The following FAF1 variants were observed in gnomAD, a reference collection of about 807,000 sequenced individuals.
FAF1 encodes the protein FAS-associated factor 1.
Under a neutral mutation model 92.5 loss-of-function variants are expected in FAF1, and 25 were observed. That is an observed-to-expected ratio of 0.27 (90% CI 0.20 to 0.38). The LOEUF (loss-of-function observed/expected upper bound fraction) is 0.38. Ranked by LOEUF, FAF1 falls within the 10% of genes least tolerant of loss-of-function variation. The pLI, the probability that FAF1 is intolerant of heterozygous loss-of-function variation, is 1.00. For synonymous variants in FAF1, 234 were observed against 273.2 expected (o/e 0.86, Z 1.42); for missense variants, 636 against 793.3 (o/e 0.80, Z 2.38).
intron 12 of FAF1, among the ~76,000 whole-genome samples, chr1:50,577,996 T>A (rs1415755702): frequency 6.6e-6 from 1 of 152,244 alleles, no homozygotes; most frequent in African/African-American, 2.4e-5. Flanking sequence ...TTAAGATGGA[T>A]TGAATGTGGC....
At chr1:50,795,157 A>G (rs1490010182) in intron 3 of FAF1, among the ~76,000 whole-genome samples, 1 of 152,206 alleles carries the variant, frequency 6.6e-6, no homozygotes, top group Non-Finnish European at 1.5e-5. Context: ...GCATCTAGCT[A>G]GAGAAACTAT....
intron 1 of FAF1, among the ~76,000 whole-genome samples, chr1:50,888,663 C>T (rs991137182): frequency 8.5e-5 from 13 of 152,270 alleles, no homozygotes; most frequent in African/African-American, 2.9e-4. Flanking sequence ...TGCTGGATTA[C>T]GTTTACTGAT....
intron 13 of FAF1, among the ~76,000 whole-genome samples, chr1:50,543,958 A>G (rs1455197986): frequency 1.3e-5 from 2 of 152,192 alleles, no homozygotes; most frequent in Admixed American, 6.5e-5. Flanking sequence ...AAGTGGATCC[A>G]TGTGGAAAGG....
At chr1:50,863,782 C>A (rs1644455668) in intron 1 of FAF1, among the ~76,000 whole-genome samples, 1 of 151,942 alleles carries the variant, frequency 6.6e-6, no homozygotes, top group Admixed American at 6.6e-5. Flanking sequence ...GGAATGGTAC[C>A]AGTTCCTCCT....
At chr1:50,806,201 A>G (rs553356508) in intron 2 of FAF1, among the ~76,000 whole-genome samples, 2 of 150,860 alleles carry the variant, frequency 1.3e-5, no homozygotes, top group East Asian at 3.9e-4. Flanking sequence ...GGGAAAGTCA[A>G]TAAGAAAATG....
intron 1 of FAF1, among the ~76,000 whole-genome samples, chr1:50,864,685 C>T (rs1371367593): frequency 6.6e-6 from 1 of 151,436 alleles, no homozygotes; most frequent in East Asian, 1.9e-4. Flanking sequence ...ATACAAAAAT[C>T]AATTCAAGAT....
chr1:50,608,001 C>CA (rs1345970100), intron 8 of FAF1, among the ~76,000 whole-genome samples: 3 of 152,206 alleles, frequency 2.0e-5, no homozygotes, highest in African/African-American at 7.2e-5. Context: ...ATTGAAGTGG[C>CA]AGTGTACAAC....
chr1:50,530,693 C>A (rs1648106260), intron 15 of FAF1, among the ~76,000 whole-genome samples: 1 of 152,152 alleles, frequency 6.6e-6, no homozygotes, highest in Admixed American at 6.6e-5. Flanking sequence ...ATACCCCATT[C>A]TCCATGATGT....
intron 3 of FAF1, among the ~76,000 whole-genome samples, chr1:50,795,171 G>A (rs1382442063): frequency 2.6e-5 from 4 of 152,152 alleles, no homozygotes; most frequent in African/African-American, 9.7e-5. Flanking sequence ...AAACTATGGA[G>A]TGCCTAAACT....
chr1:50,663,619 G>A (rs1446658890), intron 7 of FAF1, among the ~76,000 whole-genome samples: 1 of 151,290 alleles, frequency 6.6e-6, no homozygotes, highest in Admixed American at 6.6e-5. Flanking sequence ...TGGCCAGGCT[G>A]GTCTCGAACT....
At chr1:50,558,973 G>A (rs1019318252) in intron 13 of FAF1, among the ~76,000 whole-genome samples, 10 of 152,094 alleles carry the variant, frequency 6.6e-5, no homozygotes, top group Non-Finnish European at 8.8e-5. Context: ...TATTTTGGCC[G>A]GACGAGGAGG....
At chr1:50,457,210 C>G (rs1646363699) in intron 18 of FAF1, among the ~76,000 whole-genome samples, 1 of 151,690 alleles carries the variant, frequency 6.6e-6, no homozygotes, top group Non-Finnish European at 1.5e-5. Context: ...TCAGCCAAAC[C>G]TGAAGATTCA....
intron 3 of FAF1, among the ~76,000 whole-genome samples, chr1:50,796,530 T>C (rs552005095): frequency 2.6e-5 from 4 of 152,276 alleles, no homozygotes; most frequent in African/African-American, 7.2e-5. Flanking sequence ...CTCTATCACT[T>C]TCCTTTGTGC....
chr1:50,513,041 G>A (rs939871528), intron 15 of FAF1, among the ~76,000 whole-genome samples: 56 of 152,300 alleles, frequency 3.7e-4, no homozygotes, highest in Admixed American at 9.1e-4. Context: ...AAGCCTCTAG[G>A]TTTGCTCTAC....
rs372198103 is a variant in FAF1, at chr1:50,705,822, G to A, written c.621C>T (p.Tyr207=). The change falls in exon 7 of 19, where the codon TAC becomes TAT. Residue 207 remains tyrosine, a synonymous_variant. Coordinates refer to ENST00000396153, the MANE Select transcript of FAF1 (RefSeq NM_007051.3). ...TACTGCTTCCTGAGAAGTTCAGGTT[G>A]TACTCCCGCTGGACTTCTCGGTGGG... ...IITHREVQRE[Y]NLNFSGSSTI... The A allele has an allele frequency of 4.8e-5, 77 of 1,611,368 alleles. No individual in the cohort carries two copies. In the African/African-American group the frequency reaches 6.5e-4, roughly 14 times the overall value.
At chr1:50,659,654 T>C (rs926807905) in intron 7 of FAF1, among the ~76,000 whole-genome samples, 1 of 152,188 alleles carries the variant, frequency 6.6e-6, no homozygotes, top group Non-Finnish European at 1.5e-5. Context: ...TCAATTCTTG[T>C]TTTACATGCA....
intron 4 of FAF1, among the ~76,000 whole-genome samples, chr1:50,747,969 G>A (rs191891482): frequency 1.3e-5 from 2 of 152,282 alleles, no homozygotes; most frequent in African/African-American, 4.8e-5. Context: ...CCCAGAAGTA[G>A]ATGTTGCCAT....
At chr1:50,585,796 A>G (rs1230282957) in intron 9 of FAF1, among the ~76,000 whole-genome samples, 2 of 151,920 alleles carry the variant, frequency 1.3e-5, no homozygotes, top group African/African-American at 4.8e-5. Flanking sequence ...TATAACATAA[A>G]TATTTTGCCA....
Position 50,475,281 on chromosome 1 carries a change from T to C in FAF1, c.1869+183A>G, listed in dbSNP as rs376545136. Among the ~76,000 whole-genome samples, 6 of 152,324 alleles carry C rather than the reference T, an allele frequency of 3.9e-5. No homozygotes were observed. In the East Asian group the frequency reaches 1.2e-3, roughly 29 times the overall value. ...CATAGGCTACTGGGTACATATCTGC[T>C]GGCCTGGGAAGCCATACTTTCTCCA... On this transcript the variant is annotated intron_variant, in intron 18 of 18. Coordinates refer to ENST00000396153, the MANE Select transcript of FAF1 (RefSeq NM_007051.3).
Sources: gnomAD v4.1 joint callset for allele counts (sites outside exome capture counted in the v4.1 genomes callset) on GRCh38, gnomAD v4.1.1 for gene constraint, MANE v1.5 for transcripts, NCBI Gene and HGNC (gene_info 2026-07-23, HGNC 2026-07-21) for gene names.